KPNA6: variants seen among roughly 807,000 people sequenced by gnomAD.
The protein encoded by KPNA6 is importin subunit alpha-7.
Under a neutral mutation model 72.0 loss-of-function variants are expected in KPNA6, and 9 were observed. The ratio of observed to expected loss-of-function variants is 0.13; its 90% CI spans 0.08 to 0.22. The LOEUF is 0.22. Ranked by LOEUF, KPNA6 falls within the 10% of genes least tolerant of loss-of-function variation. The pLI is 1.00. For synonymous variants in KPNA6, 219 were observed against 242.1 expected, an observed-to-expected ratio of 0.90 and a Z score of 0.89; for missense variants, 374 against 655.7, an observed-to-expected ratio of 0.57 and a Z score of 4.69.
At chr1:32,109,291 T>TCCCG (rs1194061007) in intron 1 of KPNA6, among the ~76,000 whole-genome samples, 1 of 151,848 alleles carries the variant, frequency 6.6e-6, no homozygotes, top group Non-Finnish European at 1.5e-5. Flanking sequence ...TGCCTCAGCC[T>TCCCG]CCCGAGTAGC....
At chr1:32,138,237 T>A (rs964521262) in intron 1 of KPNA6, among the ~76,000 whole-genome samples, 6 of 151,806 alleles carry the variant, frequency 4.0e-5, no homozygotes, top group Non-Finnish European at 7.4e-5. Flanking sequence ...GATTTCAAAC[T>A]TGGTTTAAAA....
rs1642423945 is a variant in KPNA6, at chr1:32,170,921, T to C, written c.*27T>C. 3 of 1,604,850 alleles carry C rather than the reference T, an allele frequency of 1.9e-6. No individual in the cohort carries two copies. Among genetic ancestry groups the C allele is most frequent in the Non-Finnish European group, 2.6e-6 (3 of 1,172,374 alleles). On this transcript the variant is annotated 3_prime_UTR_variant, in exon 14 of 14. Coordinates refer to ENST00000373625, the MANE Select transcript of KPNA6 (RefSeq NM_012316.5). ...ATCTGCCTCCAGGGAGGGGAGGGGA[T>C]GGGAAGCACCACCAGCCAGCGGAAG...
intron 5 of KPNA6, among the ~76,000 whole-genome samples, chr1:32,158,683 C>T (rs1028161013): frequency 6.6e-6 from 1 of 152,100 alleles, no homozygotes; most frequent in African/African-American, 2.4e-5. Context: ...CCCCCAGTCC[C>T]CCACTACTGG....
intron 1 of KPNA6, among the ~76,000 whole-genome samples, chr1:32,110,506 G>A (rs1184674464): frequency 6.6e-6 from 1 of 152,140 alleles, no homozygotes; most frequent in Non-Finnish European, 1.5e-5. Flanking sequence ...AAAGCATCTA[G>A]CACAGTCCAC....
At chr1:32,134,200 T>C (rs1031313239) in intron 1 of KPNA6, among the ~76,000 whole-genome samples, 1 of 149,658 alleles carries the variant, frequency 6.7e-6, no homozygotes, top group Non-Finnish European at 1.5e-5. Flanking sequence ...GAGGTTGCAG[T>C]GAGCCGAGAT....
chr1:32,118,073 C>A (rs926011469), intron 1 of KPNA6, among the ~76,000 whole-genome samples: 2 of 152,130 alleles, frequency 1.3e-5, no homozygotes, highest in African/African-American at 4.8e-5. Context: ...CAGGCATGCA[C>A]CACCATGCCC....
chr1:32,131,865 T>A (rs1641644138), intron 1 of KPNA6, among the ~76,000 whole-genome samples: 1 of 151,956 alleles, frequency 6.6e-6, no homozygotes, highest in Non-Finnish European at 1.5e-5. Context: ...GAATCCAGCC[T>A]GGTCTCCTGT....
chr1:32,150,127 C>CTTTTTTTTT (rs35179721), intron 1 of KPNA6, among the ~76,000 whole-genome samples: 9 of 87,048 alleles, frequency 1.0e-4, no homozygotes, highest in Non-Finnish European at 1.6e-4. Context: ...AATTTTTAGT[C>CTTTTTTTTT]TTTTTTTTTT....
Position 32,109,065 on chromosome 1 carries a change from C to T in KPNA6, c.4+931C>T, listed in dbSNP as rs969936655. Among the ~76,000 whole-genome samples, 39 of 152,144 alleles carry T rather than the reference C, an allele frequency of 2.6e-4. 1 individual carries two copies. The highest frequency in any genetic ancestry group is 8.0e-4 in the African/African-American group (33 of 41,424). On this transcript the variant is annotated intron_variant, in intron 1 of 13. Transcript: ENST00000373625. ...CCTAAGGAAATAGATGCTACCATTG[C>T]CATTTTACAGATGTGGAAGCTGAGC...
At chr1:32,146,039 C>T (rs1161379977) in intron 1 of KPNA6, among the ~76,000 whole-genome samples, 1 of 152,158 alleles carries the variant, frequency 6.6e-6, no homozygotes, top group Non-Finnish European at 1.5e-5. Flanking sequence ...ATGGCCTATC[C>T]TGGAGAATCT....
intron 1 of KPNA6, among the ~76,000 whole-genome samples, chr1:32,128,472 A>C (rs115307537): frequency 0.038 from 5,266 of 139,888 alleles, 180 homozygotes; most frequent in Admixed American, 0.081. Flanking sequence ...TTTTCCTTAG[A>C]CCTTGAGCTT....
rs190166047 is a variant in KPNA6 at position 32,166,841 on chromosome 1, G to A, written c.1117-328G>A. 2.2e-4 allele frequency among the ~76,000 whole-genome samples: 33 copies of A among 151,886 alleles called. No individual in the cohort carries two copies. In the East Asian group the frequency reaches 6.0e-3, roughly 28 times the overall value. On this transcript the variant is annotated intron_variant, in intron 11 of 13. Coordinates refer to ENST00000373625, the MANE Select transcript of KPNA6 (RefSeq NM_012316.5). ...TAGTCACAGCTAGTCGGGAGGCTGA[G>A]GCAGGAGAATGGCGTGAACCTGGTA...
At chr1:32,123,693 T>C (rs369787988) in intron 1 of KPNA6, among the ~76,000 whole-genome samples, 7 of 140,528 alleles carry the variant, frequency 5.0e-5, no homozygotes, top group Admixed American at 1.5e-4. Flanking sequence ...TGAGCCAAGA[T>C]CATGCCACTG....
chr1:32,111,842 G>T (rs1374407808), intron 1 of KPNA6, among the ~76,000 whole-genome samples: 2 of 152,178 alleles, frequency 1.3e-5, no homozygotes. Context: ...GCCACTAGGT[G>T]CCCTGTAGGG....
In KPNA6 at chr1:32,170,809, G is replaced by A. The variant is rs781380097; in HGVS notation, c.1526G>A (p.Ser509Asn). 6.2e-7 allele frequency: 1 copy of A among 1,614,198 alleles called. No homozygotes were observed. The highest frequency in any genetic ancestry group is 8.5e-7 in the Non-Finnish European group (1 of 1,180,032). ...EHYFGVEDDD[S>N]SLAPQVDETQ... ...TACTTTGGTGTAGAAGACGATGATA[G>A]CAGCCTGGCTCCCCAAGTCGATGAA... Residue 509 changes from serine to asparagine, a missense_variant, in exon 14 of 14, where the codon AGC becomes AAC. Ser to Asn is a conservative substitution (Grantham distance 46). Coordinates refer to ENST00000373625, the MANE Select transcript of KPNA6 (RefSeq NM_012316.5).
At chr1:32,110,450 C>T (rs1267151706) in intron 1 of KPNA6, among the ~76,000 whole-genome samples, 2 of 152,166 alleles carry the variant, frequency 1.3e-5, no homozygotes, top group African/African-American at 4.8e-5. Context: ...AGAATCAGAT[C>T]TGGTATTGGA....
chr1:32,127,593 A>AC (rs968903036), intron 1 of KPNA6, among the ~76,000 whole-genome samples: 2 of 152,156 alleles, frequency 1.3e-5, no homozygotes, highest in African/African-American at 4.8e-5. Context: ...ACAATGCAGA[A>AC]CCCTCTTTGT....
At chr1:32,153,289 G>C (rs1037326607) in intron 1 of KPNA6, among the ~76,000 whole-genome samples, 2 of 152,066 alleles carry the variant, frequency 1.3e-5, no homozygotes, top group Non-Finnish European at 2.9e-5. Flanking sequence ...GAACAGGCCA[G>C]GCGCAGTGGC....
intron 1 of KPNA6, among the ~76,000 whole-genome samples, chr1:32,148,430 A>G (rs1641969490): frequency 1.3e-5 from 2 of 151,898 alleles, no homozygotes; most frequent in South Asian, 4.1e-4. Context: ...ATTAGAGTTC[A>G]TTGAGCTCCT....
Sources: gnomAD v4.1 joint callset for allele counts (sites outside exome capture counted in the v4.1 genomes callset) on GRCh38, gnomAD v4.1.1 for gene constraint, MANE v1.5 for transcripts, NCBI Gene and HGNC (gene_info 2026-07-23, HGNC 2026-07-21) for gene names.